DOCK3: variants seen among roughly 807,000 people sequenced by gnomAD.
The protein encoded by DOCK3 is dedicator of cytokinesis 3, also known as dedicator of cytokinesis protein 3.
In DOCK3, 60 loss-of-function variants were observed where a neutral mutation model predicts 265.6. The ratio of observed to expected loss-of-function variants is 0.23; its 90% CI spans 0.18 to 0.28. The LOEUF (loss-of-function observed/expected upper bound fraction) is 0.28, where lower values mean the gene tolerates loss of function less well. DOCK3 is among the 10% of genes least tolerant of loss of function. The probability of loss-of-function intolerance (pLI) is 1.00; values close to 1 mark genes in which losing one functional copy is unlikely to be tolerated. For synonymous variants in DOCK3, 881 were observed against 938.0 expected (o/e 0.94, Z 1.11); for missense variants, 1,981 against 2,594.3 (o/e 0.76, Z 5.14).
intron 40 of DOCK3, among the ~76,000 whole-genome samples, 192 bp downstream of exon 40, chr3:51,350,584 C>A (rs772275187): frequency 1.3e-4 from 20 of 152,184 alleles, no homozygotes; most frequent in Admixed American, 1.2e-3. Flanking sequence ...TTAGTCTGCT[C>A]TGTTATTCTG....
At chr3:51,221,467 CA>C (rs2108307322) in intron 14 of DOCK3, among the ~76,000 whole-genome samples, 1 of 152,230 alleles carries the variant, frequency 6.6e-6, no homozygotes, top group Admixed American at 6.5e-5. Flanking sequence ...AAACAAAGAA[CA>C]ACTGCCAGAG....
chr3:50,697,539 C>A (rs71326945), intron 1 of DOCK3, among the ~76,000 whole-genome samples: 2 of 152,018 alleles, frequency 1.3e-5, no homozygotes, highest in Non-Finnish European at 2.9e-5. Context: ...TGCAGTGAGC[C>A]GAGATCGTGC....
chr3:51,357,066 C>T lies in DOCK3; in HGVS notation c.4608C>T (p.Asn1536=). 6.2e-7 allele frequency: 1 copy of T among 1,613,200 alleles called. No homozygotes were observed. The highest frequency in any genetic ancestry group is 1.1e-5 in the South Asian group (1 of 91,038). ...SQYQHKQVHG[N]INLLSMCLNG... is the part of the protein sequence containing the mutation. Reference sequence around the variant, plus strand: ...ATCAACACAAGCAGGTGCATGGCAACATTAACCTGCTAAGCATGTGCCTGA... The same window carrying T: ...ATCAACACAAGCAGGTGCATGGCAATATTAACCTGCTAAGCATGTGCCTGA... Residue 1536 remains asparagine, a synonymous_variant, in exon 44 of 53, where the codon AAC becomes AAT. Transcript: ENST00000266037.
At chr3:51,342,379 C>A (rs1445037790) in intron 38 of DOCK3, among the ~76,000 whole-genome samples, 4 of 152,232 alleles carry the variant, frequency 2.6e-5, no homozygotes, top group Non-Finnish European at 4.4e-5. Flanking sequence ...ATGCTCAGCT[C>A]TCAGCCAGCC....
intron 5 of DOCK3, among the ~76,000 whole-genome samples, chr3:51,058,591 G>T (rs918161516): frequency 3.3e-5 from 5 of 152,088 alleles, no homozygotes; most frequent in Non-Finnish European, 5.9e-5. Flanking sequence ...TACATAATAC[G>T]TATATGCCAT....
At chr3:51,380,088 G>C in intron 51 of DOCK3, 37 bp from the exon 52 acceptor site, 1 of 1,592,106 alleles carries the variant, frequency 6.3e-7, no homozygotes. Flanking sequence ...TCTGTGCAGG[G>C]CCCCCAGCTG....
chr3:51,261,582 A>G (rs2079849550), intron 23 of DOCK3, among the ~76,000 whole-genome samples: 4 of 152,274 alleles, frequency 2.6e-5, no homozygotes, highest in Middle Eastern at 6.8e-3. Flanking sequence ...TCCCCTGGAA[A>G]GGGGGCTGAA....
In DOCK3 at chr3:50,675,208, T is replaced by C; in HGVS notation, c.-56T>C. On this transcript the variant is annotated 5_prime_UTR_variant, in exon 1 of 53. Transcript: ENST00000266037. The surrounding 1 kb of genome is among the most constrained non-coding windows in gnomAD (Gnocchi z 6.1). ...TGCGCCACAGCCGGGCCCGCGGCCG[T>C]CCCCGCCGCGTTGTCGCCCGGTCGC... 2.3e-5 allele frequency: 25 copies of C among 1,089,264 alleles called. No individual in the cohort carries two copies. Among genetic ancestry groups the C allele is most frequent in the Non-Finnish European group, 2.7e-5 (24 of 890,716 alleles). The allele number at this position is 1,089,264 out of a possible 1,614,324, so 67.5% of individuals were successfully genotyped here.
At chr3:50,816,969 C>G (rs1183369353) in intron 2 of DOCK3, among the ~76,000 whole-genome samples, 1 of 152,082 alleles carries the variant, frequency 6.6e-6, no homozygotes, top group African/African-American at 2.4e-5. Flanking sequence ...AATCCATAGA[C>G]TCGCCCTAAA....
intron 23 of DOCK3, among the ~76,000 whole-genome samples, chr3:51,261,936 C>T (rs1046373336): frequency 2.0e-5 from 3 of 152,296 alleles, no homozygotes; most frequent in African/African-American, 7.2e-5. Context: ...AGATCCAACT[C>T]CCATCTCCCT....
chr3:51,270,689 G>C, intron 23 of DOCK3, 126 bp from the exon 24 acceptor site: 1 of 965,162 alleles, frequency 1.0e-6, no homozygotes, highest in Non-Finnish European at 1.5e-6. Context: ...CCAGGGAGGA[G>C]CCCACCGAAG....
rs532134436 is a variant in DOCK3 at position 50,922,921 on chromosome 3, C to G, written c.219-11060C>G. 3.3e-5 allele frequency among the ~76,000 whole-genome samples: 5 copies of G among 152,220 alleles called. No individual in the cohort carries two copies. In the East Asian group the frequency reaches 9.7e-4, roughly 29 times the overall value. On this transcript the variant is annotated intron_variant, in intron 4 of 52. Coordinates refer to ENST00000266037, the MANE Select transcript of DOCK3 (RefSeq NM_004947.5). The stretch of plus-strand genomic sequence containing the variant: ...TTGTGTTTTTATGCCTCTCCCCCTT[C>G]CCACCTTTTCCCCGAGTCCCCAAAG...
At chr3:50,886,168 G>A (rs2048320873) in intron 3 of DOCK3, among the ~76,000 whole-genome samples, 1 of 139,224 alleles carries the variant, frequency 7.2e-6, no homozygotes, top group Non-Finnish European at 1.6e-5. Flanking sequence ...CCGCCTTTCA[G>A]AATATTTTTT....
At chr3:50,870,488 C>A (rs577425083) in intron 3 of DOCK3, among the ~76,000 whole-genome samples, 2 of 151,978 alleles carry the variant, frequency 1.3e-5, no homozygotes, top group African/African-American at 2.4e-5. Context: ...TATTTTTAGT[C>A]CACATGTGCC....
chr3:51,071,223 A>C (rs1284927976), intron 6 of DOCK3, among the ~76,000 whole-genome samples: 1 of 152,216 alleles, frequency 6.6e-6, no homozygotes, highest in East Asian at 1.9e-4. Flanking sequence ...GTCCCTTATT[A>C]GCTGCTGTGT....
At chr3:51,163,145 T>C (rs1168061677) in intron 12 of DOCK3, among the ~76,000 whole-genome samples, 1 of 152,274 alleles carries the variant, frequency 6.6e-6, no homozygotes. Flanking sequence ...AAGAGTTTAC[T>C]AATTGCTATT....
chr3:51,316,713 G>A (rs1209140579), intron 32 of DOCK3, among the ~76,000 whole-genome samples: 2 of 152,122 alleles, frequency 1.3e-5, no homozygotes, highest in Non-Finnish European at 2.9e-5. Flanking sequence ...AGTGACTAAT[G>A]GTGTTGAGCA....
intron 1 of DOCK3, among the ~76,000 whole-genome samples, chr3:50,706,615 GTGTC>G (rs1000835709): frequency 6.6e-6 from 1 of 152,152 alleles, no homozygotes; most frequent in African/African-American, 2.4e-5. Context: ...TAAGTTTCCT[GTGTC>G]TGGATGTGTT....
chr3:50,730,974 C>CA (rs1379732449), intron 1 of DOCK3, among the ~76,000 whole-genome samples: 2 of 150,484 alleles, frequency 1.3e-5, no homozygotes, highest in Non-Finnish European at 3.0e-5. Flanking sequence ...GCTAAAAATA[C>CA]AAAAAAAATT....
Sources: gnomAD v4.1 joint callset for allele counts (sites outside exome capture counted in the v4.1 genomes callset) on GRCh38, gnomAD v4.1.1 for gene constraint, Gnocchi (gnomAD v3.1) non-coding constraint, MANE v1.5 for transcripts, NCBI Gene and HGNC (gene_info 2026-07-23, HGNC 2026-07-21) for gene names.